The following CDC73 variants were observed in gnomAD, a reference collection of about 807,000 sequenced individuals.
CDC73 encodes cell division cycle 73.
Under a neutral mutation model 83.7 loss-of-function variants are expected in CDC73, and 21 were observed. The ratio of observed to expected loss-of-function variants is 0.25; its 90% CI spans 0.18 to 0.36. CDC73 has a LOEUF of 0.36. CDC73 is among the 10% of genes least tolerant of loss of function. The pLI, the probability that CDC73 is intolerant of heterozygous loss-of-function variation, is 1.00. For synonymous variants in CDC73, 224 were observed against 212.9 expected, an observed-to-expected ratio of 1.05 and a Z score of -0.45; for missense variants, 342 against 653.3, an observed-to-expected ratio of 0.52 and a Z score of 5.19.
Position 193,250,886 on chromosome 1 carries a change from T to A in CDC73, c.*174T>A. On this transcript the variant is annotated 3_prime_UTR_variant, in exon 17 of 17. Coordinates refer to ENST00000367435, the MANE Select transcript of CDC73 (RefSeq NM_024529.5). The stretch of plus-strand genomic sequence containing the variant: ...AAGCAAACTTTTTGGCTTACAACTA[T>A]TTTTTTAATATTAGCCTTCTAGTCT... 1.6e-6 allele frequency: 1 copy of A among 622,250 alleles called. No homozygotes were observed. The highest frequency in any genetic ancestry group is 2.9e-6 in the Non-Finnish European group (1 of 344,892). The allele number at this position is 622,250 out of a possible 1,614,324, so 38.5% of individuals were successfully genotyped here.
At chr1:193,175,807 C>T (rs975859857) in intron 10 of CDC73, among the ~76,000 whole-genome samples, 2 of 152,128 alleles carry the variant, frequency 1.3e-5, no homozygotes, top group Non-Finnish European at 2.9e-5. Context: ...GGAGCCAATT[C>T]CCCACAGATA....
At chr1:193,189,196 C>T (rs1676878291) in intron 10 of CDC73, among the ~76,000 whole-genome samples, 1 of 152,124 alleles carries the variant, frequency 6.6e-6, no homozygotes, top group Non-Finnish European at 1.5e-5. Flanking sequence ...TCAGGTGATC[C>T]ACCTGCCTTG....
At chr1:193,214,767 T>G (rs1411244515) in intron 13 of CDC73, among the ~76,000 whole-genome samples, 1 of 152,212 alleles carries the variant, frequency 6.6e-6, no homozygotes, top group Non-Finnish European at 1.5e-5. Context: ...CCACTTAGAT[T>G]GTTTGCAGTT....
At chr1:193,136,313 A>G (rs1258070970) in intron 5 of CDC73, among the ~76,000 whole-genome samples, 2 of 152,166 alleles carry the variant, frequency 1.3e-5, no homozygotes, top group Non-Finnish European at 2.9e-5. Flanking sequence ...ACAATGTGTT[A>G]TGGGTGCTTG....
intron 15 of CDC73, among the ~76,000 whole-genome samples, chr1:193,247,272 T>C (rs1677969987): frequency 6.6e-6 from 1 of 152,128 alleles, no homozygotes. Flanking sequence ...TAGTGATCTT[T>C]GATGTTACTA....
At chr1:193,151,393 G>GCA (rs1676107901) in intron 9 of CDC73, among the ~76,000 whole-genome samples, 1 of 152,146 alleles carries the variant, frequency 6.6e-6, no homozygotes, top group Non-Finnish European at 1.5e-5. Context: ...ATTATATAAA[G>GCA]CAGAGGTTGA....
intron 10 of CDC73, among the ~76,000 whole-genome samples, chr1:193,174,843 A>G (rs74130929): frequency 0.042 from 6,376 of 152,194 alleles, 425 homozygotes; most frequent in African/African-American, 0.14. Flanking sequence ...TGTCACTACT[A>G]CCCTTTCTCA....
rs191774633 is a variant in CDC73, at chr1:193,147,628, G to A, written c.730-239G>A. ...CGTGATCTGCCTGCCTTGGCCTCCC[G>A]AATGTAGCAGTTTAAGTAAAATGAA... On this transcript the variant is annotated intron_variant, in intron 7 of 16. Coordinates refer to ENST00000367435, the MANE Select transcript of CDC73 (RefSeq NM_024529.5). Among the ~76,000 whole-genome samples, 15 of 152,034 alleles carry A rather than the reference G, an allele frequency of 9.9e-5. No homozygotes were observed. In the East Asian group the frequency reaches 2.5e-3, roughly 25 times the overall value.
At chr1:193,232,722 G>C (rs528405934) in intron 13 of CDC73, among the ~76,000 whole-genome samples, 3 of 152,180 alleles carry the variant, frequency 2.0e-5, no homozygotes, top group South Asian at 2.1e-4. Flanking sequence ...CCAACGTGGT[G>C]AAACCCCATC....
rs1420396431 is a variant in CDC73, at chr1:193,250,869, T to C, written c.*157T>C. ...ATACCTGTCATCCATATAAGCAAAC[T>C]TTTTGGCTTACAACTATTTTTTTAA... On this transcript the variant is annotated 3_prime_UTR_variant, in exon 17 of 17. Transcript: ENST00000367435. The C allele has an allele frequency of 3.0e-6, 2 of 667,520 alleles. No homozygotes were observed. The highest frequency in any genetic ancestry group is 2.7e-6 in the Non-Finnish European group (1 of 376,164). 41.3% of individuals were successfully genotyped at this position (667,520 alleles called of 1,614,324 possible). A position where few individuals can be genotyped will look rare whatever the true frequency, so the allele number is the denominator to read the frequency against.
At chr1:193,208,311 G>C (rs563555275) in intron 11 of CDC73, among the ~76,000 whole-genome samples, 61 of 152,118 alleles carry the variant, frequency 4.0e-4, no homozygotes, top group Non-Finnish European at 8.5e-4. Flanking sequence ...TCGGTTGCCT[G>C]GTGTCAACCT....
At chr1:193,197,638 T>C (rs951743803) in intron 10 of CDC73, among the ~76,000 whole-genome samples, 1 of 152,120 alleles carries the variant, frequency 6.6e-6, no homozygotes, top group Non-Finnish European at 1.5e-5. Context: ...AGTAAGTGTA[T>C]GTAGAGGCCA....
intron 3 of CDC73, among the ~76,000 whole-genome samples, chr1:193,133,005 C>T (rs1014418573): frequency 6.6e-6 from 1 of 151,320 alleles, no homozygotes; most frequent in Admixed American, 6.6e-5. Context: ...GGGTGCATGC[C>T]ATTCTTCTGC....
rs907466203 is a variant in CDC73, at chr1:193,171,768, G to A, written c.972+19324G>A. 4.9e-4 allele frequency among the ~76,000 whole-genome samples: 75 copies of A among 152,084 alleles called. 1 individual carries two copies. The highest frequency in any genetic ancestry group is 6.5e-4 in the Admixed American group (10 of 15,268). On this transcript the variant is annotated intron_variant, in intron 10 of 16. Transcript: ENST00000367435. ...GCCATGTAATGTTAAAATATTCACA[G>A]GTTCTGGGGGCTAGGGCGAATGGAA...
intron 7 of CDC73, among the ~76,000 whole-genome samples, chr1:193,146,234 G>A (rs1675998625): frequency 6.6e-6 from 1 of 152,128 alleles, no homozygotes; most frequent in South Asian, 2.1e-4. Context: ...TCCTTCAAAT[G>A]TTAAGTGATT....
At chr1:193,150,473 A>G in intron 9 of CDC73, 91 bp downstream of exon 9, 1 of 905,952 alleles carries the variant, frequency 1.1e-6, no homozygotes, top group Admixed American at 1.8e-5. Context: ...AGGGTTGGCA[A>G]AGTAATGTCT....
chr1:193,199,837 T>G (rs1460773587), intron 10 of CDC73, among the ~76,000 whole-genome samples: 2 of 152,130 alleles, frequency 1.3e-5, no homozygotes, highest in Non-Finnish European at 2.9e-5. Flanking sequence ...AGGGTATGAC[T>G]ATTATTTAAA....
At chr1:193,220,699 A>G (rs1208881060) in intron 13 of CDC73, among the ~76,000 whole-genome samples, 1 of 152,158 alleles carries the variant, frequency 6.6e-6, no homozygotes, top group Non-Finnish European at 1.5e-5. Context: ...CAAAATATTC[A>G]TTGAGCTGTT....
At chr1:193,225,548 A>G (rs184317717) in intron 13 of CDC73, among the ~76,000 whole-genome samples, 351 of 151,960 alleles carry the variant, frequency 2.3e-3, no homozygotes, top group Non-Finnish European at 4.0e-3. Flanking sequence ...TTCCCTTTTC[A>G]CTTCATCAAT....
Sources: allele counts gnomAD v4.1 joint callset (sites outside exome capture counted in the v4.1 genomes callset), GRCh38; gene constraint gnomAD v4.1.1; transcripts MANE v1.5; gene names NCBI Gene and HGNC (gene_info 2026-07-23, HGNC 2026-07-21).